Variants in TSPAN18 observed in about 807,000 individuals in gnomAD.
TSPAN18 encodes the protein tetraspanin 18, also known as tetraspanin-18.
Under a neutral mutation model 27.3 loss-of-function variants are expected in TSPAN18, and 14 were observed. The ratio of observed to expected loss-of-function variants is 0.51; its 90% confidence interval spans 0.34 to 0.80. The LOEUF is 0.80. Among genes scored for constraint, TSPAN18 ranks in the 30% least tolerant of loss-of-function variants. The pLI is 0.01. For synonymous variants in TSPAN18, 143 were observed against 136.5 expected, an observed-to-expected ratio of 1.05 and a Z score of -0.33; for missense variants, 268 against 323.9, an observed-to-expected ratio of 0.83 and a Z score of 1.32.
At chr11:44,778,372 C>T (rs528118309) in intron 2 of TSPAN18, among the ~76,000 whole-genome samples, 1 of 152,254 alleles carries the variant, frequency 6.6e-6, no homozygotes, top group Admixed American at 6.5e-5. Context: ...TCCTCCCTCT[C>T]TTTTTCCCCG....
chr11:44,800,861 T>C (rs1199033097), intron 2 of TSPAN18, among the ~76,000 whole-genome samples: 2 of 152,158 alleles, frequency 1.3e-5, no homozygotes, highest in African/African-American at 4.8e-5. Flanking sequence ...CCAGAAAGTC[T>C]GTCTTCTGGG....
At chr11:44,903,557 A>C (rs1354791376) in intron 3 of TSPAN18, 4 of 456,402 alleles carry the variant, frequency 8.8e-6, no homozygotes, top group South Asian at 6.2e-5. Flanking sequence ...CACTGGATTG[A>C]AGGGGAGGTA....
At chr11:44,791,211 G>A (rs986785184) in intron 2 of TSPAN18, among the ~76,000 whole-genome samples, 5 of 152,142 alleles carry the variant, frequency 3.3e-5, no homozygotes, top group Non-Finnish European at 7.4e-5. Context: ...TGGGGGCAGG[G>A]GCATCACCAG....
chr11:44,830,778 T>G (rs1857137302), intron 2 of TSPAN18, among the ~76,000 whole-genome samples: 1 of 152,162 alleles, frequency 6.6e-6, no homozygotes, highest in Non-Finnish European at 1.5e-5. Context: ...CAGAGAGTGG[T>G]GGGGACTGCA....
At chr11:44,746,265 ACT>A (rs1855074869) in intron 1 of TSPAN18, among the ~76,000 whole-genome samples, 1 of 151,652 alleles carries the variant, frequency 6.6e-6, no homozygotes, top group Non-Finnish European at 1.5e-5. Flanking sequence ...TCTCTCTGGG[ACT>A]CCCAGCCTCT....
At chr11:44,872,127 C>T (rs757305076) in intron 3 of TSPAN18, among the ~76,000 whole-genome samples, 25 of 152,002 alleles carry the variant, frequency 1.6e-4, no homozygotes, top group Non-Finnish European at 2.9e-4. Context: ...GACAGGGTTT[C>T]GCCATGTTGT....
chr11:44,851,810 C>T (rs1250671734), intron 2 of TSPAN18, among the ~76,000 whole-genome samples: 1 of 152,212 alleles, frequency 6.6e-6, no homozygotes, highest in Non-Finnish European at 1.5e-5. Context: ...GCCACCCATC[C>T]AGGTGCTACT....
At chr11:44,832,864 C>T (rs576422775) in intron 2 of TSPAN18, among the ~76,000 whole-genome samples, 2 of 152,204 alleles carry the variant, frequency 1.3e-5, no homozygotes, top group Non-Finnish European at 2.9e-5. Context: ...TGCTGGTCTC[C>T]TTCTTGAGTG....
chr11:44,835,256 G>A (rs1857241849), intron 2 of TSPAN18, among the ~76,000 whole-genome samples: 1 of 152,212 alleles, frequency 6.6e-6, no homozygotes, highest in Non-Finnish European at 1.5e-5. Context: ...CGAGTGTTCA[G>A]TACATGGTCC....
At chr11:44,814,830 A>G (rs1856789286) in intron 2 of TSPAN18, among the ~76,000 whole-genome samples, 1 of 152,238 alleles carries the variant, frequency 6.6e-6, no homozygotes, top group Non-Finnish European at 1.5e-5. Flanking sequence ...GCTAAAACTA[A>G]AGAAAGCAAG....
chr11:44,755,145 AC>A (rs1445576489), intron 1 of TSPAN18, among the ~76,000 whole-genome samples: 3 of 151,902 alleles, frequency 2.0e-5, no homozygotes, highest in Admixed American at 1.3e-4. Context: ...TGGCCCTTCC[AC>A]CCTCCTCATC....
intron 1 of TSPAN18, among the ~76,000 whole-genome samples, chr11:44,729,875 G>A (rs1854610062): frequency 6.6e-6 from 1 of 152,158 alleles, no homozygotes; most frequent in Non-Finnish European, 1.5e-5. Flanking sequence ...GTGCCAGGAA[G>A]AGGGAAAATA....
chr11:44,829,798 C>G (rs1296808635), intron 2 of TSPAN18, among the ~76,000 whole-genome samples: 1 of 152,138 alleles, frequency 6.6e-6, no homozygotes, highest in Non-Finnish European at 1.5e-5. Context: ...TGCACTCCCC[C>G]CAGCAATGAA....
chr11:44,762,419 A>G (rs77327385), intron 1 of TSPAN18, among the ~76,000 whole-genome samples: 4,005 of 152,326 alleles, frequency 0.026, 64 homozygotes, highest in Non-Finnish European at 0.042. Context: ...ACATAGGTAC[A>G]TGCTTACACA....
chr11:44,747,514 T>C (rs1000528371), intron 1 of TSPAN18, among the ~76,000 whole-genome samples: 1 of 152,102 alleles, frequency 6.6e-6, no homozygotes, highest in African/African-American at 2.4e-5. Flanking sequence ...GAATCTTAAA[T>C]ATGATCGTGA....
chr11:44,812,513 C>T (rs967997842), intron 2 of TSPAN18, among the ~76,000 whole-genome samples: 1 of 152,166 alleles, frequency 6.6e-6, no homozygotes, highest in East Asian at 1.9e-4. Flanking sequence ...CATAAACAGA[C>T]TCACAGAGGG....
At chr11:44,893,252 C>A (rs1312523016) in intron 3 of TSPAN18, among the ~76,000 whole-genome samples, 2 of 152,210 alleles carry the variant, frequency 1.3e-5, no homozygotes, top group African/African-American at 4.8e-5. Flanking sequence ...CTCTGTGCCA[C>A]CTTGACATTC....
Position 44,790,658 on chromosome 11 carries a change from CAAAAG to C in TSPAN18, c.-153+26149_-153+26153del, listed in dbSNP as rs1856197484. Among the ~76,000 whole-genome samples, 3 of 151,998 alleles carry C rather than the reference CAAAAG, an allele frequency of 2.0e-5. No homozygotes were observed. In the South Asian group the frequency reaches 6.2e-4, roughly 32 times the overall value. On this transcript the variant is annotated intron_variant, in intron 2 of 9. Coordinates refer to ENST00000520358, the MANE Select transcript of TSPAN18 (RefSeq NM_130783.5). ...CACTTGCTTGAACTATAGGAGAACA[CAAAAG>C]AACATGGGATGCCAGATGTTTAAGT...
chr11:44,895,875 G>C (rs1256559334), intron 3 of TSPAN18, among the ~76,000 whole-genome samples: 2 of 152,172 alleles, frequency 1.3e-5, no homozygotes, highest in African/African-American at 4.8e-5. Context: ...CCCCGTCCTT[G>C]TTTCCCTGAG....
Sources: allele counts gnomAD v4.1 joint callset (sites outside exome capture counted in the v4.1 genomes callset), GRCh38; gene constraint gnomAD v4.1.1; transcripts MANE v1.5; gene names NCBI Gene and HGNC (gene_info 2026-07-23, HGNC 2026-07-21).